Variants in TBL1XR1 observed in about 807,000 individuals in gnomAD.
TBL1XR1 encodes the protein F-box-like/WD repeat-containing protein TBL1XR1.
TBL1XR1 carries 5 observed loss-of-function variants against 66.9 expected under a neutral mutation model. That is an observed-to-expected ratio of 0.07 (90% CI 0.04 to 0.16). The LOEUF is 0.16. TBL1XR1 is among the 10% of genes least tolerant of loss of function. The pLI is 1.00. For missense variants in TBL1XR1, 238 were observed against 623.2 expected, an observed-to-expected ratio of 0.38 and a Z score of 6.58; for synonymous variants, 210 against 206.0, an observed-to-expected ratio of 1.02 and a Z score of -0.17.
At position 177,024,499 on chromosome 3, in the gene TBL1XR1, A is replaced by C. The variant is rs1712806318; in HGVS notation, c.*999T>G. On this transcript the variant is annotated 3_prime_UTR_variant, in exon 16 of 16. Coordinates refer to ENST00000457928, the MANE Select transcript of TBL1XR1 (RefSeq NM_024665.7). ...AAAAAACAAAGCAAAACAAACAAAC[A>C]ACAAAAAACCCAAAACTACGTTGCT... 2.0e-5 allele frequency: 3 copies of C among 152,512 alleles called. No homozygotes were observed. The highest frequency in any genetic ancestry group is 2.0e-4 in the Admixed American group (3 of 15,266). The allele number at this position is 152,512 out of a possible 1,614,324, so 9.4% of individuals were successfully genotyped here. A position where few individuals can be genotyped will look rare whatever the true frequency, so the allele number is the denominator to read the frequency against.
chr3:177,020,973 C>G lies in TBL1XR1; in HGVS notation c.*4525G>C, dbSNP rs1712275864. ...CCAGGACAGCACAGAACATCTACAT[C>G]AGTCTTCCTTACACAATAATCATGA... On this transcript the variant is annotated 3_prime_UTR_variant, in exon 16 of 16. Coordinates refer to ENST00000457928, the MANE Select transcript of TBL1XR1 (RefSeq NM_024665.7). 6.6e-6 allele frequency: 1 copy of G among 152,164 alleles called. No individual in the cohort carries two copies. The allele number at this position is 152,164 out of a possible 1,614,324, so 9.4% of individuals were successfully genotyped here. A position where few individuals can be genotyped will look rare whatever the true frequency, so the allele number is the denominator to read the frequency against.
intron 1 of TBL1XR1, among the ~76,000 whole-genome samples, chr3:177,128,649 C>CA (rs1431522617): frequency 6.6e-6 from 1 of 152,196 alleles, no homozygotes. Flanking sequence ...GCTGGGATTA[C>CA]AGGCGTGAGC....
chr3:177,027,797 T>A (rs998055122), intron 14 of TBL1XR1: 2 of 152,226 alleles, frequency 1.3e-5, no homozygotes, highest in African/African-American at 4.8e-5. Context: ...CTGGGAAGGC[T>A]CAACTGTTTT....
chr3:177,076,590 G>A (rs973323398), intron 2 of TBL1XR1, among the ~76,000 whole-genome samples: 23 of 152,172 alleles, frequency 1.5e-4, no homozygotes, highest in African/African-American at 5.6e-4. Flanking sequence ...AGCCTGGGAA[G>A]ACAAATACAG....
At chr3:177,037,986 A>G in intron 12 of TBL1XR1, 112 bp downstream of exon 12, 1 of 807,244 alleles carries the variant, frequency 1.2e-6, no homozygotes, top group Non-Finnish European at 1.9e-6. Flanking sequence ...TGGAGTTTTC[A>G]TGCAGGTACA....
At chr3:177,127,975 T>C (rs1390900369) in intron 1 of TBL1XR1, among the ~76,000 whole-genome samples, 5 of 152,136 alleles carry the variant, frequency 3.3e-5, no homozygotes, top group African/African-American at 4.8e-5. Context: ...TCCCAGCACT[T>C]TGGGAGTCCG....
chr3:177,032,055 T>C (rs1344846525), intron 14 of TBL1XR1, among the ~76,000 whole-genome samples: 2 of 152,188 alleles, frequency 1.3e-5, no homozygotes, highest in Non-Finnish European at 2.9e-5. Flanking sequence ...TATGCTGAAA[T>C]ACCATTTATC....
At chr3:177,115,068 T>A (rs1726143949) in intron 1 of TBL1XR1, among the ~76,000 whole-genome samples, 1 of 152,080 alleles carries the variant, frequency 6.6e-6, no homozygotes. Flanking sequence ...ATCCATATTG[T>A]CTTACTGCCA....
Position 177,067,374 on chromosome 3 carries a change from T to G in TBL1XR1, c.-45-2352A>C, listed in dbSNP as rs150476892. Among the ~76,000 whole-genome samples, 16 of 152,308 alleles carry G rather than the reference T, an allele frequency of 1.1e-4. No individual in the cohort carries two copies. The East Asian group carries it at 3.1e-3, about 29-fold the overall frequency. ...AAATTTTCTTTTCCCCTAATATCAT[T>G]CAGTCCAAAACTTGGATGAAAGTAT... On this transcript the variant is annotated intron_variant, in intron 2 of 15. Coordinates refer to ENST00000457928, the MANE Select transcript of TBL1XR1 (RefSeq NM_024665.7).
intron 3 of TBL1XR1, among the ~76,000 whole-genome samples, chr3:177,060,217 T>G (rs1718338348): frequency 6.6e-6 from 1 of 152,216 alleles, no homozygotes; most frequent in South Asian, 2.1e-4. Flanking sequence ...TATATCCTAT[T>G]AGTTACGTCC....
chr3:177,147,040 C>T (rs1730339963), intron 1 of TBL1XR1, among the ~76,000 whole-genome samples: 1 of 151,430 alleles, frequency 6.6e-6, no homozygotes, highest in African/African-American at 2.4e-5. Flanking sequence ...CAAGGAGATT[C>T]CTAAGACTTT....
intron 1 of TBL1XR1, among the ~76,000 whole-genome samples, chr3:177,172,633 AAGAG>A (rs56803746): frequency 6.8e-5 from 8 of 117,550 alleles, no homozygotes; most frequent in Admixed American, 2.9e-4. Context: ...AGAAAGAGAG[AAGAG>A]AGAGAGAGAG....
chr3:177,198,684 C>T (rs1226211015), upstream of TBL1XR1, among the ~76,000 whole-genome samples: 4 of 152,104 alleles, frequency 2.6e-5, no homozygotes, highest in African/African-American at 9.7e-5. Context: ...CATTAAGATA[C>T]GACTTGAAAC....
chr3:177,166,236 A>C (rs1482658617), intron 1 of TBL1XR1, among the ~76,000 whole-genome samples: 1 of 152,168 alleles, frequency 6.6e-6, no homozygotes, highest in Non-Finnish European at 1.5e-5. Context: ...AATAATAACA[A>C]TAACAATGAT....
At chr3:177,175,687 A>G (rs1025434233) in intron 1 of TBL1XR1, among the ~76,000 whole-genome samples, 2 of 152,218 alleles carry the variant, frequency 1.3e-5, no homozygotes, top group Non-Finnish European at 2.9e-5. Flanking sequence ...CCAGAAACAA[A>G]TATCTTAAGT....
intron 1 of TBL1XR1, among the ~76,000 whole-genome samples, chr3:177,170,144 A>G (rs1395336265): frequency 1.3e-5 from 2 of 152,068 alleles, no homozygotes; most frequent in African/African-American, 4.8e-5. Context: ...TGCATTCTCC[A>G]AGGTGCTGCC....
chr3:177,027,933 T>C (rs2108384585), intron 14 of TBL1XR1: 1 of 152,190 alleles, frequency 6.6e-6, no homozygotes, highest in Non-Finnish European at 1.5e-5. Flanking sequence ...ATATAAAAAA[T>C]AAAATCTACA....
intron 1 of TBL1XR1, among the ~76,000 whole-genome samples, chr3:177,128,949 G>C (rs920695176): frequency 2.6e-5 from 4 of 151,906 alleles, no homozygotes; most frequent in Non-Finnish European, 5.9e-5. Flanking sequence ...GCAGATTCTC[G>C]CAACACTCTC....
At chr3:177,026,345 C>T in intron 15 of TBL1XR1, 28 bp downstream of exon 15, 1 of 1,576,710 alleles carries the variant, frequency 6.3e-7, no homozygotes, top group Non-Finnish European at 8.7e-7. Flanking sequence ...CACCCACACC[C>T]TCTTTGGAAA....
Sources: allele counts gnomAD v4.1 joint callset (sites outside exome capture counted in the v4.1 genomes callset), GRCh38; gene constraint gnomAD v4.1.1; transcripts MANE v1.5; gene names NCBI Gene and HGNC (gene_info 2026-07-23, HGNC 2026-07-21).